Variants in SGCD observed in about 807,000 individuals in gnomAD.
SGCD encodes delta-sarcoglycan.
Under a neutral mutation model 36.6 loss-of-function variants are expected in SGCD, and 18 were observed. The ratio of observed to expected loss-of-function variants is 0.49; its 90% CI spans 0.34 to 0.73. The LOEUF (loss-of-function observed/expected upper bound fraction) is 0.73, where lower values mean the gene tolerates loss of function less well. SGCD is among the 30% of genes least tolerant of loss of function. The pLI, the probability that SGCD is intolerant of heterozygous loss-of-function variation, is 0.01. For synonymous variants in SGCD, 133 were observed against 130.6 expected, an observed-to-expected ratio of 1.02 and a Z score of -0.12; for missense variants, 387 against 346.7, an observed-to-expected ratio of 1.12 and a Z score of -0.92.
chr5:156,129,778 A>G (rs1004855377), intron 3 of SGCD, among the ~76,000 whole-genome samples: 2 of 152,192 alleles, frequency 1.3e-5, no homozygotes, highest in Admixed American at 6.5e-5. Flanking sequence ...GCTTAGGATG[A>G]TAGTCTCCAG....
At chr5:155,782,529 CA>C in the SGCD span, among the ~76,000 whole-genome samples, 2 of 152,158 alleles carry the variant, frequency 1.3e-5, no homozygotes, top group Non-Finnish European at 2.9e-5. Flanking sequence ...GTAACTGTCT[CA>C]GGGGGGTGAC....
chr5:156,634,944 C>T (rs2113543945), intron 6 of SGCD, among the ~76,000 whole-genome samples: 1 of 152,254 alleles, frequency 6.6e-6, no homozygotes, highest in Admixed American at 6.5e-5. Flanking sequence ...AACTTCCTGG[C>T]TGGATGCAGT....
At chr5:155,783,865 A>C in the SGCD span, among the ~76,000 whole-genome samples, 41 of 152,312 alleles carry the variant, frequency 2.7e-4, no homozygotes, top group Non-Finnish European at 4.4e-4. Context: ...ATCTACAGCT[A>C]TATGTATGCA....
intron 3 of SGCD, among the ~76,000 whole-genome samples, chr5:156,127,205 G>A (rs1310616264): frequency 1.3e-5 from 2 of 152,012 alleles, no homozygotes; most frequent in African/African-American, 2.4e-5. Flanking sequence ...AAAATCATAA[G>A]CAAAGTTAAT....
intron 1 of SGCD, among the ~76,000 whole-genome samples, chr5:156,102,820 G>A (rs796839991): frequency 6.6e-6 from 1 of 151,980 alleles, no homozygotes; most frequent in African/African-American, 2.4e-5. Context: ...TTGGGTGTGT[G>A]CGTATATACT....
At chr5:156,238,425 G>C (rs377473983) in intron 3 of SGCD, among the ~76,000 whole-genome samples, 2 of 152,140 alleles carry the variant, frequency 1.3e-5, no homozygotes, top group Middle Eastern at 3.2e-3. Context: ...GCTGACCCCA[G>C]CCTCTGGGCA....
intron 7 of SGCD, among the ~76,000 whole-genome samples, chr5:156,718,637 A>G (rs1043441839): frequency 5.3e-5 from 8 of 151,836 alleles, no homozygotes; most frequent in African/African-American, 1.9e-4. Context: ...AATATAAATT[A>G]TTTTATATAG....
At chr5:156,282,054 C>A (rs1199138735) in intron 3 of SGCD, among the ~76,000 whole-genome samples, 2 of 152,044 alleles carry the variant, frequency 1.3e-5, no homozygotes, top group African/African-American at 2.4e-5. Flanking sequence ...TTCTGTTCTC[C>A]AGTAGTTTTA....
chr5:156,522,199 G>T (rs1007247735), intron 4 of SGCD, among the ~76,000 whole-genome samples: 1 of 152,026 alleles, frequency 6.6e-6, no homozygotes, highest in African/African-American at 2.4e-5. Flanking sequence ...GTCAGGGGGT[G>T]GGGGGCTGAG....
At chr5:156,697,562 C>T (rs1047240009) in intron 7 of SGCD, among the ~76,000 whole-genome samples, 1 of 152,208 alleles carries the variant, frequency 6.6e-6, no homozygotes, top group Non-Finnish European at 1.5e-5. Flanking sequence ...CCTTCAGCAG[C>T]CAAATGTGAG....
chr5:155,844,435 G>GTGTGTGTGTGTGTGTGTGTT, the SGCD span, among the ~76,000 whole-genome samples: 1 of 151,730 alleles, frequency 6.6e-6, no homozygotes, highest in African/African-American at 2.4e-5. Context: ...GTGTGTGTGT[G>GTGTGTGTGTGTGTGTGTGTT]TGTGTGTGTG....
intron 1 of SGCD, among the ~76,000 whole-genome samples, chr5:155,892,406 G>A (rs1756153576): frequency 7.4e-6 from 1 of 135,066 alleles, no homozygotes; most frequent in African/African-American, 2.7e-5. Flanking sequence ...AGTGAGCCAA[G>A]ATCGCGCCAC....
intron 3 of SGCD, among the ~76,000 whole-genome samples, chr5:156,136,286 A>AT (rs974041219): frequency 2.0e-5 from 3 of 152,060 alleles, no homozygotes; most frequent in African/African-American, 4.8e-5. Flanking sequence ...CTAATTTTTA[A>AT]TTTTTTTGTA....
intron 4 of SGCD, among the ~76,000 whole-genome samples, chr5:156,512,818 A>G (rs1278095503): frequency 1.3e-5 from 2 of 152,156 alleles, no homozygotes; most frequent in Non-Finnish European, 2.9e-5. Flanking sequence ...AGAACTTTAT[A>G]TAAATGGAAT....
intron 6 of SGCD, among the ~76,000 whole-genome samples, chr5:156,627,594 G>A (rs1189923797): frequency 1.3e-5 from 2 of 152,118 alleles, no homozygotes; most frequent in Non-Finnish European, 2.9e-5. Context: ...TAGTCTTCAT[G>A]ATAAACCTGA....
At chr5:155,762,119 A>G in the SGCD span, among the ~76,000 whole-genome samples, 2 of 152,184 alleles carry the variant, frequency 1.3e-5, no homozygotes, top group East Asian at 3.8e-4. Context: ...TCTGAAGCCC[A>G]TGCTAAGTGT....
At chr5:156,190,254 A>G (rs927253934) in intron 3 of SGCD, among the ~76,000 whole-genome samples, 1 of 152,180 alleles carries the variant, frequency 6.6e-6, no homozygotes, top group Non-Finnish European at 1.5e-5. Flanking sequence ...TTATCAAGAA[A>G]ATCATCTAAA....
intron 1 of SGCD, among the ~76,000 whole-genome samples, chr5:155,968,878 T>C (rs1283894624): frequency 1.3e-5 from 2 of 152,136 alleles, no homozygotes; most frequent in African/African-American, 4.8e-5. Flanking sequence ...AGCTGGTGCA[T>C]ACAGCAATAT....
intron 1 of SGCD, among the ~76,000 whole-genome samples, chr5:155,946,855 G>T (rs1311567291): frequency 6.6e-6 from 1 of 152,134 alleles, no homozygotes; most frequent in Non-Finnish European, 1.5e-5. Context: ...TAGGGTGATG[G>T]CACATTATAA....
Sources: gnomAD v4.1 joint callset for allele counts (sites outside exome capture counted in the v4.1 genomes callset) on GRCh38, gnomAD v4.1.1 for gene constraint, MANE v1.5 for transcripts, NCBI Gene and HGNC (gene_info 2026-07-23, HGNC 2026-07-21) for gene names.